IL1RAPL1: variants seen among roughly 807,000 people sequenced by gnomAD.
IL1RAPL1 encodes interleukin-1 receptor accessory protein-like 1.
A neutral mutation model predicts 48.4 loss-of-function variants in IL1RAPL1; 3 were observed. The observed-to-expected ratio is 0.06, with a 90% CI of 0.03 to 0.16. The LOEUF (loss-of-function observed/expected upper bound fraction) is 0.16, where lower values mean the gene tolerates loss of function less well. IL1RAPL1 is among the 10% of genes least tolerant of loss of function. IL1RAPL1 has a pLI of 1.00. For synonymous variants in IL1RAPL1, 185 were observed against 187.7 expected (o/e 0.99, Z 0.12); for missense variants, 349 against 530.6 (o/e 0.66, Z 3.36).
intron 1 of IL1RAPL1, among the ~76,000 whole-genome samples, chrX:28,641,513 G>A (rs183880578): frequency 5.2e-4 from 58 of 111,432 alleles, no homozygotes; most frequent in East Asian, 4.5e-3. Context: ...TGAATAGTGC[G>A]TGCTGCAATA....
At chrX:28,933,123 C>T (rs1161899529) in intron 2 of IL1RAPL1, among the ~76,000 whole-genome samples, 2 of 111,836 alleles carry the variant, frequency 1.8e-5, no homozygotes, top group Admixed American at 9.5e-5. Flanking sequence ...TGTGCATTAA[C>T]CATGTGTTAA....
chrX:29,937,803 G>C (rs1933056430), intron 8 of IL1RAPL1, among the ~76,000 whole-genome samples: 1 of 111,452 alleles, frequency 9.0e-6, no homozygotes, highest in South Asian at 3.8e-4. Context: ...GAAGTCTCTG[G>C]GGGAAAGTCT....
chrX:29,048,339 G>A (rs1263793939), intron 2 of IL1RAPL1, among the ~76,000 whole-genome samples: 1 of 111,703 alleles, frequency 9.0e-6, no homozygotes, highest in Admixed American at 9.6e-5. Context: ...TTTTATTAGT[G>A]TTCTATGCCA....
At chrX:29,564,204 T>C (rs754243719) in intron 5 of IL1RAPL1, among the ~76,000 whole-genome samples, 1 of 111,942 alleles carries the variant, frequency 8.9e-6, no homozygotes, top group East Asian at 2.8e-4. Context: ...CAGAAAGTGT[T>C]GATTTCCACT....
Position 29,803,303 on chromosome X carries a change from A to ATACACACATGTATATATGTATACATG in IL1RAPL1, c.779-114158_779-114133dup, listed in dbSNP as rs1930117177. 1.2e-4 allele frequency among the ~76,000 whole-genome samples: 4 copies of ATACACACATGTATATATGTATACATG among 33,800 alleles called. 1 individual carries two copies. The highest frequency in any genetic ancestry group is 1.7e-4 in the Non-Finnish European group (3 of 17,576). 29.4% of individuals were successfully genotyped at this position (33,800 alleles called of 115,157 possible). The stretch of plus-strand genomic sequence containing the variant: ...TACACACATGTATATATGTATACAT[A>ATACACACATGTATATATGTATACATG]TACACACATGTATATATGTATACAT... On this transcript the variant is annotated intron_variant, in intron 6 of 10. Coordinates refer to ENST00000378993, the MANE Select transcript of IL1RAPL1 (RefSeq NM_014271.4).
chrX:29,548,072 T>C (rs1921686016), intron 5 of IL1RAPL1, among the ~76,000 whole-genome samples: 1 of 112,717 alleles, frequency 8.9e-6, no homozygotes, highest in Admixed American at 9.4e-5. Context: ...GGTGATACGC[T>C]TGTTCCATTT....
intron 3 of IL1RAPL1, among the ~76,000 whole-genome samples, chrX:29,339,129 T>G (rs905883566): frequency 2.0e-5 from 2 of 101,493 alleles, no homozygotes; most frequent in African/African-American, 7.6e-5. Context: ...CACTCAAATA[T>G]CACATGTTAC....
intron 2 of IL1RAPL1, among the ~76,000 whole-genome samples, chrX:29,100,262 T>C (rs1197997613): frequency 8.9e-6 from 1 of 111,968 alleles, no homozygotes; most frequent in Non-Finnish European, 1.9e-5. Context: ...CCAGGATTAA[T>C]TGAGCAAATA....
At chrX:29,511,254 G>A (rs1250576688) in intron 5 of IL1RAPL1, among the ~76,000 whole-genome samples, 4 of 111,895 alleles carry the variant, frequency 3.6e-5, no homozygotes, top group Non-Finnish European at 7.5e-5. Flanking sequence ...TGCAGTAGAT[G>A]TTAAAAATAC....
chrX:29,623,066 C>G, intron 5 of IL1RAPL1, among the ~76,000 whole-genome samples: 2 of 103,924 alleles, frequency 1.9e-5, no homozygotes, highest in South Asian at 8.8e-4. Flanking sequence ...GTCAGGAGAT[C>G]GAGACCATCC....
At chrX:29,912,861 T>G (rs1224406554) in intron 6 of IL1RAPL1, among the ~76,000 whole-genome samples, 1 of 111,917 alleles carries the variant, frequency 8.9e-6, no homozygotes, top group Non-Finnish European at 1.9e-5. Flanking sequence ...CTATTTATCC[T>G]TTTTAATCCT....
intron 3 of IL1RAPL1, among the ~76,000 whole-genome samples, chrX:29,340,114 T>G (rs1486439261): frequency 2.7e-5 from 3 of 112,316 alleles, no homozygotes; most frequent in Non-Finnish European, 5.6e-5. Context: ...CTTTGTTTCC[T>G]TCTGCCTTAC....
intron 2 of IL1RAPL1, among the ~76,000 whole-genome samples, chrX:29,228,378 A>G (rs1382227399): frequency 2.4e-5 from 1 of 42,416 alleles, no homozygotes; most frequent in Non-Finnish European, 6.3e-5. Context: ...TGTGTGAGAC[A>G]GAGTCTCACC....
intron 1 of IL1RAPL1, among the ~76,000 whole-genome samples, chrX:28,639,887 A>G (rs755464886): frequency 3.3e-4 from 37 of 111,991 alleles, no homozygotes; most frequent in Admixed American, 3.1e-3. Context: ...TTCTGGTTCT[A>G]AATTAGGGTG....
At chrX:28,606,319 A>T (rs1374729137) in intron 1 of IL1RAPL1, among the ~76,000 whole-genome samples, 4 of 112,355 alleles carry the variant, frequency 3.6e-5, no homozygotes, top group Admixed American at 9.4e-5. Context: ...ACATAAATTA[A>T]GGGCTTAATA....
At chrX:29,004,153 GA>G (rs942380403) in intron 2 of IL1RAPL1, among the ~76,000 whole-genome samples, 2 of 104,928 alleles carry the variant, frequency 1.9e-5, no homozygotes, top group East Asian at 2.9e-4. Context: ...AGACTGTCTA[GA>G]AAAAAAAAAG....
intron 1 of IL1RAPL1, among the ~76,000 whole-genome samples, chrX:28,634,588 G>A (rs2060093178): frequency 9.1e-6 from 1 of 109,612 alleles, no homozygotes; most frequent in African/African-American, 3.3e-5. Flanking sequence ...GAATTTCAGA[G>A]TTGATGCTTA....
intron 6 of IL1RAPL1, among the ~76,000 whole-genome samples, chrX:29,800,347 G>T (rs1053112630): frequency 9.1e-6 from 1 of 110,420 alleles, no homozygotes; most frequent in African/African-American, 3.3e-5. Context: ...CTTATCCCTG[G>T]TCCAGGACCA....
At chrX:29,276,507 A>G (rs2147595973) in intron 2 of IL1RAPL1, among the ~76,000 whole-genome samples, 1 of 111,927 alleles carries the variant, frequency 8.9e-6, no homozygotes, top group South Asian at 3.7e-4. Flanking sequence ...TCTACAAACA[A>G]TAGTTATAAG....
Sources: gnomAD v4.1 joint callset for allele counts (sites outside exome capture counted in the v4.1 genomes callset) on GRCh38, gnomAD v4.1.1 for gene constraint, MANE v1.5 for transcripts, NCBI Gene and HGNC (gene_info 2026-07-23, HGNC 2026-07-21) for gene names.